EYA3: variants seen among roughly 807,000 people sequenced by gnomAD.
EYA3 encodes EYA transcriptional coactivator and phosphatase 3, also known as protein phosphatase EYA3.
A neutral mutation model predicts 80.0 loss-of-function variants in EYA3; 39 were observed. That is an observed-to-expected ratio of 0.49 (90% CI 0.38 to 0.64). The LOEUF (loss-of-function observed/expected upper bound fraction) is 0.64, where lower values mean the gene tolerates loss of function less well. Ranked by LOEUF, EYA3 falls within the 30% of genes least tolerant of loss-of-function variation. EYA3 has a pLI of 0.00. For missense variants in EYA3, 523 were observed against 676.1 expected (o/e 0.77, Z 2.51); for synonymous variants, 206 against 232.8 (o/e 0.88, Z 1.05).
chr1:28,035,950 G>T lies in EYA3; in HGVS notation c.225-270C>A, dbSNP rs186449276. On this transcript the variant is annotated intron_variant, in intron 5 of 17. Coordinates refer to ENST00000373871, the MANE Select transcript of EYA3 (RefSeq NM_001990.4). ...CTGCCTCAGCCTCCCAAATACCTGGGATTACAGGCACCCACCACCATGCCT... is the reference window on the plus strand; with the variant it reads ...CTGCCTCAGCCTCCCAAATACCTGGTATTACAGGCACCCACCACCATGCCT... Among the ~76,000 whole-genome samples the T allele has an allele frequency of 3.0e-3, 459 of 152,196 alleles. 2 individuals carry two copies. Among genetic ancestry groups the T allele is most frequent in the African/African-American group, 0.01 (425 of 41,532 alleles).
chr1:28,082,120 A>C (rs1303983931), intron 1 of EYA3, among the ~76,000 whole-genome samples: 1 of 152,146 alleles, frequency 6.6e-6, no homozygotes, highest in East Asian at 1.9e-4. Context: ...AGCTACTATA[A>C]AAAAACAGTA....
At chr1:28,069,271 C>T (rs1283299289) in intron 1 of EYA3, among the ~76,000 whole-genome samples, 3 of 151,910 alleles carry the variant, frequency 2.0e-5, no homozygotes, top group Non-Finnish European at 4.4e-5. Flanking sequence ...CCACCACACT[C>T]GGCTAATTTT....
At chr1:28,074,050 A>G (rs1473249192) in intron 1 of EYA3, among the ~76,000 whole-genome samples, 1 of 152,230 alleles carries the variant, frequency 6.6e-6, no homozygotes, top group African/African-American at 2.4e-5. Context: ...CTGGCAGATA[A>G]AACTATAAAA....
intron 7 of EYA3, among the ~76,000 whole-genome samples, chr1:28,023,034 GA>G (rs1642546696): frequency 6.7e-6 from 1 of 150,016 alleles, no homozygotes; most frequent in South Asian, 2.1e-4. Context: ...TAATATACAA[GA>G]TGAGCCTGGA....
At chr1:28,033,997 C>T (rs1212418886) in intron 6 of EYA3, among the ~76,000 whole-genome samples, 2 of 151,836 alleles carry the variant, frequency 1.3e-5, no homozygotes, top group Middle Eastern at 3.4e-3. Context: ...GAGTTTGAGA[C>T]CAGCTGGCCA....
At chr1:28,052,475 T>C (rs1046756219) in intron 2 of EYA3, among the ~76,000 whole-genome samples, 2 of 152,198 alleles carry the variant, frequency 1.3e-5, no homozygotes, top group Non-Finnish European at 2.9e-5. Context: ...ACAGTCAAAT[T>C]ATTTTCAGCA....
At chr1:27,999,206 T>C (rs1306322017) in intron 12 of EYA3, among the ~76,000 whole-genome samples, 2 of 152,228 alleles carry the variant, frequency 1.3e-5, no homozygotes, top group Non-Finnish European at 2.9e-5. Flanking sequence ...TGGCAACTCA[T>C]CCCTCTCCAT....
chr1:28,017,240 C>G lies in EYA3; in HGVS notation c.500-1G>C. The stretch of plus-strand genomic sequence containing the variant: ...ATCAGGCTGGCATTTGTGCTTGAAG[C>G]TAGAGGATTGATGGGGTTAAAAGAT... On this transcript the variant is annotated splice_acceptor_variant, in intron 7 of 17. Transcript: ENST00000373871. LOFTEE classifies it high-confidence loss of function. 1 of 1,611,114 alleles carries G rather than the reference C, an allele frequency of 6.2e-7. No individual in the cohort carries two copies. Among genetic ancestry groups the G allele is most frequent in the Non-Finnish European group, 8.5e-7 (1 of 1,177,480 alleles).
chr1:27,990,752 C>G (rs1374880698), intron 14 of EYA3, among the ~76,000 whole-genome samples: 1 of 151,800 alleles, frequency 6.6e-6, no homozygotes, highest in Non-Finnish European at 1.5e-5. Flanking sequence ...GGGGTTTCAT[C>G]ATATTGGCCA....
chr1:28,042,117 A>C (rs564210594), intron 4 of EYA3, among the ~76,000 whole-genome samples: 1 of 152,286 alleles, frequency 6.6e-6, no homozygotes, highest in African/African-American at 2.4e-5. Context: ...CATTACAAAC[A>C]AGTATTCTAG....
rs779170107 is a variant in EYA3, at chr1:27,990,246, A to G, written c.1304-435T>C. Reference sequence around the variant, plus strand: ...TTCAAGCACTTGGTGGTGGAGGCACAGGCCTGCGCCCCGGTCACATCACCC... The same window carrying G: ...TTCAAGCACTTGGTGGTGGAGGCACGGGCCTGCGCCCCGGTCACATCACCC... On this transcript the variant is annotated intron_variant, in intron 14 of 17. Coordinates refer to ENST00000373871, the MANE Select transcript of EYA3 (RefSeq NM_001990.4). The G allele has an allele frequency of 1.6e-5, 3 of 183,280 alleles. 1 individual carries two copies. Among genetic ancestry groups the G allele is most frequent in the Non-Finnish European group, 3.7e-5 (3 of 80,336 alleles). 11.4% of individuals were successfully genotyped at this position (183,280 alleles called of 1,614,324 possible).
chr1:28,033,580 G>A (rs1053085194), intron 6 of EYA3, among the ~76,000 whole-genome samples: 3 of 151,212 alleles, frequency 2.0e-5, no homozygotes, highest in Non-Finnish European at 4.4e-5. Flanking sequence ...ATATAAACAT[G>A]TATCCTTCAA....
At chr1:28,083,457 T>G (rs1054103779) in intron 1 of EYA3, among the ~76,000 whole-genome samples, 12 of 152,056 alleles carry the variant, frequency 7.9e-5, no homozygotes, top group African/African-American at 2.9e-4. Context: ...GAGGCAGAGG[T>G]TGCAGTGACC....
At chr1:28,073,127 A>ATATATATATATATTTTTTTTTTT (rs1553157671) in intron 1 of EYA3, among the ~76,000 whole-genome samples, 1 of 14,998 alleles carries the variant, frequency 6.7e-5, no homozygotes, top group Non-Finnish European at 1.1e-4. Context: ...ATATATATAT[A>ATATATATATATATTTTTTTTTTT]TTTTTTTTTT....
chr1:28,013,248 C>CTGATTCTGACCA lies in EYA3; in HGVS notation c.631_632insTGGTCAGAATCA (p.Cys211delinsLeuValArgIleSer). 6.2e-7 allele frequency: 1 copy of CTGATTCTGACCA among 1,614,126 alleles called. No homozygotes were observed. Among genetic ancestry groups the CTGATTCTGACCA allele is most frequent in the Non-Finnish European group, 8.5e-7 (1 of 1,179,976 alleles). On this transcript the variant is annotated protein_altering_variant, in exon 9 of 18. Coordinates refer to ENST00000373871, the MANE Select transcript of EYA3 (RefSeq NM_001990.4). This position sits in a 1 kb window ranked among gnomAD's most constrained non-coding sequence, Gnocchi z 4.0. ...GACTCCAAAGCTGGAGCTGGGGTAG[C>CTGATTCTGACCA]AGGCCTGGTACTGATTCTGACCAAG...
At chr1:28,007,480 G>A (rs1331066685) in intron 10 of EYA3, among the ~76,000 whole-genome samples, 3 of 151,466 alleles carry the variant, frequency 2.0e-5, no homozygotes, top group Non-Finnish European at 4.4e-5. Context: ...GGTTACAGGC[G>A]CCTGCCACCA....
intron 16 of EYA3, among the ~76,000 whole-genome samples, chr1:27,978,925 G>A (rs1253272519): frequency 6.6e-6 from 1 of 152,170 alleles, no homozygotes; most frequent in Non-Finnish European, 1.5e-5. Context: ...TCATGCCATC[G>A]CACTCCAGCC....
intron 1 of EYA3, among the ~76,000 whole-genome samples, chr1:28,083,874 A>G (rs1333774253): frequency 6.6e-6 from 1 of 152,250 alleles, no homozygotes; most frequent in Non-Finnish European, 1.5e-5. Flanking sequence ...AATAGCCTAA[A>G]TATGTATTAC....
intron 3 of EYA3, among the ~76,000 whole-genome samples, chr1:28,046,876 C>G (rs973715951): frequency 2.7e-5 from 4 of 149,870 alleles, no homozygotes; most frequent in African/African-American, 9.9e-5. Flanking sequence ...CAGCATCTTG[C>G]TCTGCCACCA....
Sources: gnomAD v4.1 joint callset for allele counts (sites outside exome capture counted in the v4.1 genomes callset) on GRCh38, gnomAD v4.1.1 for gene constraint, Gnocchi (gnomAD v3.1) non-coding constraint, MANE v1.5 for transcripts, NCBI Gene and HGNC (gene_info 2026-07-23, HGNC 2026-07-21) for gene names.